Variants in UGT3A2 observed in about 807,000 individuals in gnomAD.
UGT3A2 encodes UDP-glycosyltransferase 3A2.
Under a neutral mutation model 39.8 loss-of-function variants are expected in UGT3A2, and 32 were observed. The ratio of observed to expected loss-of-function variants is 0.80; its 90% CI spans 0.61 to 1.08. UGT3A2 has a LOEUF of 1.08. UGT3A2 is among the 50% of genes least tolerant of loss of function. The pLI is 0.00. For missense variants in UGT3A2, 611 were observed against 637.1 expected (o/e 0.96, Z 0.44); for synonymous variants, 241 against 230.7 (o/e 1.04, Z -0.40).
chr5:36,039,764 T>C, intron 4 of UGT3A2, 56 bp from the exon 5 acceptor site: 2 of 1,488,950 alleles, frequency 1.3e-6, no homozygotes, highest in Middle Eastern at 1.7e-4. Context: ...AAAGCCTAGT[T>C]GACCAGAAAA....
At chr5:36,062,857 T>G (rs1742752210) in intron 2 of UGT3A2, among the ~76,000 whole-genome samples, 1 of 152,078 alleles carries the variant, frequency 6.6e-6, no homozygotes, top group Non-Finnish European at 1.5e-5. Flanking sequence ...CTGGCCAACA[T>G]GGTGAAACCC....
chr5:36,042,668 A>C (rs553431114), intron 4 of UGT3A2, among the ~76,000 whole-genome samples: 29 of 152,270 alleles, frequency 1.9e-4, no homozygotes, highest in African/African-American at 7.0e-4. Context: ...ACACACATAG[A>C]CTGAAAATAA....
At chr5:36,059,793 G>C (rs1455215424) in intron 2 of UGT3A2, among the ~76,000 whole-genome samples, 1 of 152,190 alleles carries the variant, frequency 6.6e-6, no homozygotes, top group Non-Finnish European at 1.5e-5. Flanking sequence ...CATGCCTCCT[G>C]GCTACAGCTA....
At chr5:36,044,476 C>T (rs1742106395) in intron 4 of UGT3A2, among the ~76,000 whole-genome samples, 1 of 152,128 alleles carries the variant, frequency 6.6e-6, no homozygotes, top group South Asian at 2.1e-4. Flanking sequence ...GAAGTTCTAG[C>T]TAGAGCAATC....
At chr5:36,055,229 G>T (rs2453290) in intron 2 of UGT3A2, among the ~76,000 whole-genome samples, 225 of 25,090 alleles carry the variant, frequency 9.0e-3, no homozygotes, top group African/African-American at 0.021. Flanking sequence ...TCTGCAGTTT[G>T]TTTTTTTTTT....
At position 36,037,949 on chromosome 5, in the gene UGT3A2, A is replaced by C; in HGVS notation, c.1143T>G (p.His381Gln). ...GQNSIMEAIQ[H>Q]GVPMVGIPLF... ...GAGGGATCCCCACCATGGGCACACC[A>C]TGCTGGATGGCCTCCATTATGCTAT... The change falls in exon 6 of 7, where the codon CAT becomes CAG. Residue 381 changes from histidine (H) to glutamine (Q), a missense_variant. Transcript: ENST00000282507. 1 of 1,614,138 alleles carries C rather than the reference A, an allele frequency of 6.2e-7. No individual in the cohort carries two copies. The highest frequency in any genetic ancestry group is 8.5e-7 in the Non-Finnish European group (1 of 1,180,024).
At chr5:36,056,676 A>G (rs1323053061) in intron 2 of UGT3A2, among the ~76,000 whole-genome samples, 1 of 152,208 alleles carries the variant, frequency 6.6e-6, no homozygotes, top group Non-Finnish European at 1.5e-5. Flanking sequence ...CAGCCATACA[A>G]TTGGCTTTCT....
intron 3 of UGT3A2, 119 bp downstream of exon 3, chr5:36,051,723 AATCCATCCATCCGTCCATCCATCCATCC>A: frequency 1.5e-6 from 1 of 646,516 alleles, no homozygotes; most frequent in Non-Finnish European, 2.6e-6. Flanking sequence ...TCCATCTATC[AATCCATCCATCCGTCCATCCATCCATCC>A]ATCCATCCAT....
chr5:36,038,160 C>T (rs1741891941), intron 5 of UGT3A2, 144 bp from the exon 6 acceptor site: 2 of 850,144 alleles, frequency 2.4e-6, no homozygotes, highest in East Asian at 5.6e-5. Flanking sequence ...TGGGACACAT[C>T]CAATGTTACA....
At chr5:36,059,534 T>C (rs545559792) in intron 2 of UGT3A2, among the ~76,000 whole-genome samples, 7 of 152,226 alleles carry the variant, frequency 4.6e-5, no homozygotes, top group African/African-American at 1.7e-4. Flanking sequence ...ACTTTAGCTT[T>C]GGCTTTCGTG....
chr5:36,045,882 C>G (rs572139494), intron 4 of UGT3A2, among the ~76,000 whole-genome samples: 1 of 151,904 alleles, frequency 6.6e-6, no homozygotes, highest in Admixed American at 6.6e-5. Flanking sequence ...CTTCTTCTGA[C>G]AAAGGATTAA....
intron 4 of UGT3A2, 96 bp from the exon 5 acceptor site, chr5:36,039,804 C>T (rs958255601): frequency 3.6e-5 from 34 of 952,492 alleles, no homozygotes; most frequent in Non-Finnish European, 4.7e-5. Context: ...TAACACAGTG[C>T]CCTGTCCTCA....
chr5:36,043,094 CACATGG>C (rs1742061831), intron 4 of UGT3A2, among the ~76,000 whole-genome samples: 1 of 151,978 alleles, frequency 6.6e-6, no homozygotes, highest in African/African-American at 2.4e-5. Flanking sequence ...TTCTACTCAG[CACATGG>C]ACCATGTTTA....
intron 2 of UGT3A2, among the ~76,000 whole-genome samples, chr5:36,058,453 A>C (rs1221145772): frequency 6.6e-6 from 1 of 152,166 alleles, no homozygotes; most frequent in African/African-American, 2.4e-5. Flanking sequence ...GTAAACAGCA[A>C]ACTTTTTCTC....
At position 36,066,832 on chromosome 5, in the gene UGT3A2, G is replaced by T. The variant is rs1188806361; in HGVS notation, c.-43C>A. The T allele has an allele frequency of 6.2e-7, 1 of 1,611,604 alleles. No homozygotes were observed. The highest frequency in any genetic ancestry group is 8.5e-7 in the Non-Finnish European group (1 of 1,177,856). Reference sequence around the variant, plus strand: ...CCGCGGATCTCAGCCTGGGCTGCGCGCCCTGCGCCCGGCTAAGGGACCCTG... The same window carrying T: ...CCGCGGATCTCAGCCTGGGCTGCGCTCCCTGCGCCCGGCTAAGGGACCCTG... On this transcript the variant is annotated 5_prime_UTR_variant, in exon 1 of 7. Transcript: ENST00000282507.
chr5:36,060,305 T>C (rs924282281), intron 2 of UGT3A2, among the ~76,000 whole-genome samples: 5 of 152,234 alleles, frequency 3.3e-5, no homozygotes, highest in African/African-American at 1.2e-4. Context: ...CAACTCAGTA[T>C]ACCACTGGAG....
chr5:36,037,915 C>G lies in UGT3A2; in HGVS notation c.1177G>C (p.Asp393His), dbSNP rs1741880699. The change falls in exon 6 of 7, where the codon GAC becomes CAC. Residue 393 changes from aspartate (D) to histidine (H), a missense_variant. Physicochemically the swap from Asp to His is moderately conservative, Grantham distance 81. Transcript: ENST00000282507. The part of the protein sequence containing the change: ...VPMVGIPLFG[D>H]QPENMVRVEA... Reference sequence around the variant, plus strand: ...ACTCGGACCATGTTTTCAGGCTGGTCTCCAAAGAGAGGGATCCCCACCATG... The same window carrying G: ...ACTCGGACCATGTTTTCAGGCTGGTGTCCAAAGAGAGGGATCCCCACCATG... The G allele has an allele frequency of 1.2e-6, 2 of 1,614,150 alleles. No homozygotes were observed. The highest frequency in any genetic ancestry group is 1.7e-6 in the Non-Finnish European group (2 of 1,180,022).
chr5:36,047,018 T>C (rs1742188422), intron 4 of UGT3A2, among the ~76,000 whole-genome samples: 2 of 152,220 alleles, frequency 1.3e-5, no homozygotes, highest in Admixed American at 1.3e-4. Context: ...CAAGTGTATG[T>C]CGGCTCGCTT....
intron 2 of UGT3A2, among the ~76,000 whole-genome samples, chr5:36,058,745 AAC>A (rs1490395396): frequency 1.3e-5 from 2 of 150,988 alleles, no homozygotes; most frequent in East Asian, 1.9e-4. Context: ...CCTTCTTTAT[AAC>A]AGTTTCTTTT....
Sources: gnomAD v4.1 joint callset for allele counts (sites outside exome capture counted in the v4.1 genomes callset) on GRCh38, gnomAD v4.1.1 for gene constraint, MANE v1.5 for transcripts, NCBI Gene and HGNC (gene_info 2026-07-23, HGNC 2026-07-21) for gene names.